AP3S2: variants seen among roughly 807,000 people sequenced by gnomAD.
The protein encoded by AP3S2 is adaptor related protein complex 3 subunit sigma 2, also known as AP-3 complex subunit sigma-2.
Under a neutral mutation model 23.4 loss-of-function variants are expected in AP3S2, and 22 were observed. The observed-to-expected ratio is 0.94, with a 90% CI of 0.67 to 1.34. The LOEUF (loss-of-function observed/expected upper bound fraction) is 1.34. AP3S2 is among the 40% of genes most tolerant of loss of function. AP3S2 has a pLI of 0.00. For missense variants in AP3S2, 241 were observed against 236.9 expected (o/e 1.02, Z -0.11); for synonymous variants, 86 against 87.1 (o/e 0.99, Z 0.07).
rs1428139589 is a variant in AP3S2 at position 89,871,584 on chromosome 15, G to A, written c.274-38C>T. On this transcript the variant is annotated intron_variant, in intron 3 of 5. Coordinates refer to ENST00000336418, the MANE Select transcript of AP3S2 (RefSeq NM_005829.5). Reference sequence around the variant, plus strand: ...GAGAAATAGATAAAGAAGAGAAATAGGAACACATTCACAGCTTTATCAATG... The same window carrying A: ...GAGAAATAGATAAAGAAGAGAAATAAGAACACATTCACAGCTTTATCAATG... The A allele has an allele frequency of 4.4e-6, 7 of 1,602,732 alleles. No individual in the cohort carries two copies. The South Asian group carries it at 7.8e-5, about 18-fold the overall frequency.
chr15:89,877,585 A>C (rs535794155), intron 3 of AP3S2, among the ~76,000 whole-genome samples: 231 of 152,294 alleles, frequency 1.5e-3, no homozygotes, highest in Non-Finnish European at 2.4e-3. Context: ...GCGGTGGCTC[A>C]TGCCTGTAAT....
intron 2 of AP3S2, 82 bp downstream of exon 2, chr15:89,888,967 A>T: frequency 6.5e-7 from 1 of 1,543,122 alleles, no homozygotes; most frequent in Non-Finnish European, 8.9e-7. Flanking sequence ...CCCACCTGAC[A>T]CTTGAGTACT....
At chr15:89,878,190 GTGA>G in intron 3 of AP3S2, 1 of 610,326 alleles carries the variant, frequency 1.6e-6, no homozygotes, top group Non-Finnish European at 2.9e-6. Flanking sequence ...AAGCTGGGTG[GTGA>G]TGATAATAAA....
At chr15:89,845,194 A>G (rs765339747) in intron 4 of AP3S2, 2 of 152,256 alleles carry the variant, frequency 1.3e-5, no homozygotes, top group Non-Finnish European at 2.9e-5. Flanking sequence ...GGCGTGAGCC[A>G]CCATGCACAG....
At chr15:89,838,029 CT>C in intron 4 of AP3S2, 1 of 302,872 alleles carries the variant, frequency 3.3e-6, no homozygotes. Flanking sequence ...GGCAAATGAC[CT>C]TTAAAGTGCT....
intron 5 of AP3S2, among the ~76,000 whole-genome samples, chr15:89,837,333 G>T (rs1411880837): frequency 6.6e-6 from 1 of 152,084 alleles, no homozygotes; most frequent in Non-Finnish European, 1.5e-5. Flanking sequence ...CCACAAACAT[G>T]GGCCATAACC....
chr15:89,846,025 G>A (rs1252165169), intron 4 of AP3S2, among the ~76,000 whole-genome samples: 1 of 152,110 alleles, frequency 6.6e-6, no homozygotes, highest in Non-Finnish European at 1.5e-5. Context: ...TAAAGATTAG[G>A]ATAACCCCAA....
At chr15:89,851,677 G>A (rs1052536754) in intron 4 of AP3S2, among the ~76,000 whole-genome samples, 1 of 151,944 alleles carries the variant, frequency 6.6e-6, no homozygotes, top group Non-Finnish European at 1.5e-5. Flanking sequence ...CTCACTCACT[G>A]GCTTCATATT....
At chr15:89,869,722 C>T (rs531050054) in intron 4 of AP3S2, among the ~76,000 whole-genome samples, 1 of 151,972 alleles carries the variant, frequency 6.6e-6, no homozygotes, top group African/African-American at 2.4e-5. Flanking sequence ...TAGGTGGTAA[C>T]TTCGAAAGTA....
intron 4 of AP3S2, among the ~76,000 whole-genome samples, chr15:89,862,645 G>T (rs890770074): frequency 1.3e-5 from 2 of 152,300 alleles, no homozygotes; most frequent in Middle Eastern, 3.4e-3. Context: ...AGGGAGAAAA[G>T]GTTTTGAATG....
intron 4 of AP3S2, among the ~76,000 whole-genome samples, chr15:89,846,595 C>T (rs935434184): frequency 7.2e-5 from 11 of 151,736 alleles, no homozygotes; most frequent in East Asian, 3.9e-4. Flanking sequence ...GGTGCGATCT[C>T]GGCTCACTGC....
chr15:89,866,903 T>TG (rs1896137710), intron 4 of AP3S2, among the ~76,000 whole-genome samples: 1 of 152,096 alleles, frequency 6.6e-6, no homozygotes, highest in African/African-American at 2.4e-5. Flanking sequence ...AGGTGGGTGA[T>TG]GGGAGTCATT....
intron 1 of AP3S2, among the ~76,000 whole-genome samples, chr15:89,891,562 G>T (rs1896821255): frequency 6.6e-6 from 1 of 151,800 alleles, no homozygotes; most frequent in Non-Finnish European, 1.5e-5. Context: ...AGGAGACTGA[G>T]GCAGGAGAAT....
chr15:89,837,544 C>T, intron 5 of AP3S2, 71 bp downstream of exon 5: 1 of 1,574,184 alleles, frequency 6.4e-7, no homozygotes, highest in South Asian at 1.1e-5. Context: ...CAAACCAACA[C>T]ATGTACACAC....
intron 4 of AP3S2, among the ~76,000 whole-genome samples, chr15:89,845,069 C>A (rs1895453672): frequency 6.6e-6 from 1 of 151,956 alleles, no homozygotes; most frequent in African/African-American, 2.4e-5. Flanking sequence ...CCACGCCCAG[C>A]TTATTTTTTG....
rs745778829 is a variant in AP3S2 at position 89,889,112 on chromosome 15, C to T, written c.98G>A (p.Arg33Gln). 108 of 1,614,004 alleles carry T rather than the reference C, an allele frequency of 6.7e-5. 1 individual carries two copies. Among genetic ancestry groups the T allele is most frequent in the South Asian group, 3.2e-4 (29 of 91,078 alleles). Residue 33 changes from arginine (R) to glutamine (Q), a missense_variant, in exon 2 of 6, where the codon CGA becomes CAA. Transcript: ENST00000336418. The part of the protein sequence containing the change: ...FPEEIQQQIV[R>Q]ETFHLVLKRD... ...CTTGAGGACTAGATGGAAAGTCTCT[C>T]GAACAATCTGCTGTTGAATTTCTTC...
At chr15:89,838,135 G>C (rs757007445) in intron 4 of AP3S2, 3 of 162,490 alleles carry the variant, frequency 1.8e-5, no homozygotes, top group Non-Finnish European at 4.0e-5. Context: ...TTCTAAGTAA[G>C]GAATGGTGGC....
rs1436316008 is a variant in AP3S2, at chr15:89,835,393, A to G, written c.*122T>C. On this transcript the variant is annotated 3_prime_UTR_variant, in exon 6 of 6. Transcript: ENST00000336418. ...ATGCCAAACAGTCTTCCCCAGACAC[A>G]AAGTTTCCAGGTCCTGAGGCTTGAC... 38 of 1,507,878 alleles carry G rather than the reference A, an allele frequency of 2.5e-5. No individual in the cohort carries two copies. Among genetic ancestry groups the G allele is most frequent in the Non-Finnish European group, 3.4e-5 (38 of 1,123,174 alleles). The allele number at this position is 1,507,878 out of a possible 1,614,324, so 93.4% of individuals were successfully genotyped here.
chr15:89,838,764 C>A (rs572906805), intron 4 of AP3S2, among the ~76,000 whole-genome samples: 6 of 152,150 alleles, frequency 3.9e-5, no homozygotes, highest in Admixed American at 2.6e-4. Flanking sequence ...TTCACAGAGA[C>A]AGTGGGAGGA....
Sources: allele counts gnomAD v4.1 joint callset (sites outside exome capture counted in the v4.1 genomes callset), GRCh38; gene constraint gnomAD v4.1.1; transcripts MANE v1.5; gene names NCBI Gene and HGNC (gene_info 2026-07-23, HGNC 2026-07-21).